VPS13C: variants seen among roughly 807,000 people sequenced by gnomAD.
The protein encoded by VPS13C is intermembrane lipid transfer protein VPS13C.
In VPS13C, 358 loss-of-function variants were observed where a neutral mutation model predicts 456.8. The ratio of observed to expected loss-of-function variants is 0.78; its 90% confidence interval spans 0.72 to 0.86. VPS13C has a LOEUF of 0.86. Ranked by LOEUF, VPS13C falls within the 40% of genes least tolerant of loss-of-function variation. The probability of loss-of-function intolerance (pLI) is 0.00; values close to 1 mark genes in which losing one functional copy is unlikely to be tolerated. For missense variants in VPS13C, 4,818 were observed against 4,385.4 expected (o/e 1.10, Z -2.79); for synonymous variants, 1,578 against 1,486.7 (o/e 1.06, Z -1.41).
intron 16 of VPS13C, 33 bp downstream of exon 16, chr15:62,000,531 T>A (rs1212802758): frequency 6.3e-7 from 1 of 1,591,080 alleles, no homozygotes; most frequent in Non-Finnish European, 8.6e-7. Flanking sequence ...TTAACATGTT[T>A]AAAACATAAA....
Position 61,865,456 on chromosome 15 carries a change from C to T in VPS13C, c.10864-1928G>A, listed in dbSNP as rs1248823739. ...AACTAAAACTAAAAAGCAAGAAATG[C>T]TGTTTTAAACGTTGCATGATCATAA... On this transcript the variant is annotated intron_variant, in intron 81 of 84. Transcript: ENST00000644861. The T allele has an allele frequency of 5.1e-6, 5 of 984,232 alleles. No homozygotes were observed. The East Asian group carries it at 4.5e-4, about 89-fold the overall frequency. 61.0% of individuals were successfully genotyped at this position (984,232 alleles called of 1,614,324 possible). A position where few individuals can be genotyped will look rare whatever the true frequency, so the allele number is the denominator to read the frequency against.
chr15:61,959,319 G>A, intron 36 of VPS13C, 129 bp downstream of exon 36: 1 of 736,008 alleles, frequency 1.4e-6, no homozygotes, highest in Non-Finnish European at 2.0e-6. Context: ...GATCTTGTTG[G>A]ACAAAGTCTC....
intron 23 of VPS13C, among the ~76,000 whole-genome samples, chr15:61,977,494 C>T (rs928297887): frequency 6.6e-6 from 1 of 151,704 alleles, no homozygotes; most frequent in African/African-American, 2.4e-5. Context: ...AAAACAAAGC[C>T]CAGGATCTAT....
intron 16 of VPS13C, among the ~76,000 whole-genome samples, chr15:61,992,365 G>A (rs2046249903): frequency 6.6e-6 from 1 of 152,044 alleles, no homozygotes; most frequent in African/African-American, 2.4e-5. Flanking sequence ...AAATATGGAT[G>A]AATAACCAAA....
chr15:61,967,536 T>C, intron 28 of VPS13C, 89 bp from the exon 29 acceptor site: 1 of 1,019,576 alleles, frequency 9.8e-7, no homozygotes, highest in Non-Finnish European at 1.4e-6. Flanking sequence ...AATTTGTTAA[T>C]TAAGCTTTAA....
At chr15:62,021,144 AG>A (rs1038641599) in intron 8 of VPS13C, among the ~76,000 whole-genome samples, 3 of 152,000 alleles carry the variant, frequency 2.0e-5, no homozygotes, top group Admixed American at 6.6e-5. Context: ...TTGAAAGGGT[AG>A]GGTGGGTGAG....
intron 9 of VPS13C, among the ~76,000 whole-genome samples, chr15:62,014,439 C>T (rs2047155961): frequency 6.6e-6 from 1 of 152,068 alleles, no homozygotes; most frequent in Non-Finnish European, 1.5e-5. Flanking sequence ...TATTTAGCAG[C>T]AAGGGCGTTA....
chr15:62,003,915 G>A (rs1347577191), intron 15 of VPS13C, among the ~76,000 whole-genome samples: 12 of 151,102 alleles, frequency 7.9e-5, no homozygotes, highest in South Asian at 4.2e-4. Flanking sequence ...TGCTGGATTC[G>A]GTTTGCCAGT....
intron 45 of VPS13C, 142 bp from the exon 46 acceptor site, chr15:61,942,209 G>C: frequency 1.5e-5 from 10 of 670,090 alleles, no homozygotes; most frequent in Non-Finnish European, 1.9e-5. Context: ...AGAGAGTGAA[G>C]TCTAGAAACA....
chr15:62,015,960 C>CAAA (rs67786303), intron 9 of VPS13C, among the ~76,000 whole-genome samples: 6 of 72,400 alleles, frequency 8.3e-5, no homozygotes, highest in African/African-American at 1.5e-4. Flanking sequence ...AAAAGAAGTC[C>CAAA]AAAAAAAAAA....
intron 5 of VPS13C, 41 bp from the exon 6 acceptor site, chr15:62,028,461 T>C (rs750142609): frequency 6.3e-7 from 1 of 1,583,746 alleles, no homozygotes; most frequent in Admixed American, 1.7e-5. Flanking sequence ...TGCAAAGCAA[T>C]TTAAAGACAC....
chr15:61,888,013 A>G (rs979038333), intron 67 of VPS13C, among the ~76,000 whole-genome samples: 7 of 152,328 alleles, frequency 4.6e-5, no homozygotes, highest in African/African-American at 1.7e-4. Flanking sequence ...TAAGAAAATA[A>G]CCTAATTTTA....
intron 22 of VPS13C, 49 bp from the exon 23 acceptor site, chr15:61,978,798 C>A: frequency 1.3e-6 from 2 of 1,531,618 alleles, no homozygotes; most frequent in Admixed American, 2.1e-5. Flanking sequence ...CAGAAAAGCA[C>A]ATACATCAAC....
At chr15:61,865,256 G>T (rs1894460146) in intron 81 of VPS13C, 1 of 983,522 alleles carries the variant, frequency 1.0e-6, no homozygotes, top group African/African-American at 1.8e-5. Flanking sequence ...AAGCAAACAA[G>T]ATATAAAAAA....
intron 66 of VPS13C, among the ~76,000 whole-genome samples, chr15:61,891,905 C>G (rs2042664088): frequency 6.6e-6 from 1 of 152,146 alleles, no homozygotes; most frequent in African/African-American, 2.4e-5. Context: ...GACACAATTC[C>G]TGGAGCCACA....
intron 66 of VPS13C, among the ~76,000 whole-genome samples, chr15:61,899,728 C>T (rs4775449): frequency 0.53 from 79,411 of 148,724 alleles, 21,610 homozygotes; most frequent in Admixed American, 0.62. Flanking sequence ...TTCCAATCAA[C>T]AGAAAAAGAG....
At chr15:62,043,519 T>A (rs548270069) in intron 2 of VPS13C, among the ~76,000 whole-genome samples, 8 of 152,098 alleles carry the variant, frequency 5.3e-5, no homozygotes, top group Non-Finnish European at 5.9e-5. Context: ...GGCAGAAGAA[T>A]TGCTTGAACC....
rs369193687 is a variant in VPS13C, at chr15:61,964,747, C to A, written c.3166G>T (p.Val1056Leu). ...TGTTGTTTTTCAGTTGAAATTTGTA[C>A]CTCCTTAGCAACACTTATGCTTTGA... Reference protein sequence around the residue: ...DDQSISVAKEVQISTEKQQKN... With the variant: ...DDQSISVAKELQISTEKQQKN... Residue 1056 changes from valine (V) to leucine (L), a missense_variant, in exon 31 of 85, where the codon GTA becomes TTA. Around this residue, in one of 3 missense-constraint regions of VPS13C, gnomAD observed 4,552 missense variants for 4,130.6 expected, o/e 1.10. Coordinates refer to ENST00000644861, the MANE Select transcript of VPS13C (RefSeq NM_020821.3). The A allele has an allele frequency of 1.2e-6, 2 of 1,610,326 alleles. No homozygotes were observed. The highest frequency in any genetic ancestry group is 1.7e-6 in the Non-Finnish European group (2 of 1,178,272).
intron 55 of VPS13C, among the ~76,000 whole-genome samples, chr15:61,921,469 C>A (rs941162510): frequency 6.6e-6 from 1 of 151,980 alleles, no homozygotes; most frequent in Non-Finnish European, 1.5e-5. Context: ...ATTCTGGTCT[C>A]ACCCTTAAAA....
Sources: allele counts gnomAD v4.1 joint callset (sites outside exome capture counted in the v4.1 genomes callset), GRCh38; gene constraint gnomAD v4.1.1; regional missense constraint gnomAD v4.1.1; transcripts MANE v1.5; gene names NCBI Gene and HGNC (gene_info 2026-07-23, HGNC 2026-07-21).